FOSL2: variants seen among roughly 807,000 people sequenced by gnomAD.
FOSL2 encodes the protein fos-related antigen 2.
In FOSL2, 3 loss-of-function variants were observed where a neutral mutation model predicts 27.7. The ratio of observed to expected loss-of-function variants is 0.11; its 90% CI spans 0.05 to 0.28. The LOEUF (loss-of-function observed/expected upper bound fraction) is 0.28. Ranked by LOEUF, FOSL2 falls within the 10% of genes least tolerant of loss-of-function variation. The pLI, the probability that FOSL2 is intolerant of heterozygous loss-of-function variation, is 1.00. For missense variants in FOSL2, 333 were observed against 445.1 expected, an observed-to-expected ratio of 0.75 and a Z score of 2.27; for synonymous variants, 179 against 190.1, an observed-to-expected ratio of 0.94 and a Z score of 0.48.
Position 28,416,254 on chromosome 2 carries a change from A to T in FOSL2, c.*3806A>T, listed in dbSNP as rs879417886. 1 of 152,122 alleles carries T rather than the reference A, an allele frequency of 6.6e-6. No individual in the cohort carries two copies. Among genetic ancestry groups the T allele is most frequent in the Non-Finnish European group, 1.5e-5 (1 of 68,024 alleles). 9.4% of individuals were successfully genotyped at this position (152,122 alleles called of 1,614,324 possible). On this transcript the variant is annotated 3_prime_UTR_variant, in exon 4 of 4. Transcript: ENST00000264716. The stretch of plus-strand genomic sequence containing the variant: ...CTTCTAGTGTTTTGGCCATACATCA[A>T]CCAAGGGGTTTAATTTATCCAATGC...
rs1377311130 is a variant in FOSL2, at chr2:28,415,898, A to G, written c.*3450A>G. ...TTCTCAAGGACTTATCCCCTACAAT[A>G]TTCTCCCACTCCATACTTCTCCTTC... On this transcript the variant is annotated 3_prime_UTR_variant, in exon 4 of 4. Transcript: ENST00000264716. 1 of 151,988 alleles carries G rather than the reference A, an allele frequency of 6.6e-6. No individual in the cohort carries two copies. Among genetic ancestry groups the G allele is most frequent in the Non-Finnish European group, 1.5e-5 (1 of 68,012 alleles). The allele number at this position is 151,988 out of a possible 1,614,324, so 9.4% of individuals were successfully genotyped here.
rs1663709845 is a variant in FOSL2 at position 28,393,088 on chromosome 2, C to T, written c.-633C>T. On this transcript the variant is annotated 5_prime_UTR_variant, in exon 1 of 4. Coordinates refer to ENST00000264716, the MANE Select transcript of FOSL2 (RefSeq NM_005253.4). The surrounding 1 kb of genome is among the most constrained non-coding windows in gnomAD (Gnocchi z 4.6). Reference sequence around the variant, plus strand: ...CTCTCAGCGCCAGCTCTACTTGAGCCCCACGAGCCGCTGTCCCCCTGGCGC... The same window carrying T: ...CTCTCAGCGCCAGCTCTACTTGAGCTCCACGAGCCGCTGTCCCCCTGGCGC... The T allele has an allele frequency of 2.3e-6, 1 of 431,280 alleles. No homozygotes were observed. The highest frequency in any genetic ancestry group is 2.1e-5 in the African/African-American group (1 of 47,198). 26.7% of individuals were successfully genotyped at this position (431,280 alleles called of 1,614,324 possible).
At position 28,393,507 on chromosome 2, in the gene FOSL2, A is replaced by G. The variant is rs1663725792; in HGVS notation, c.-214A>G. The G allele has an allele frequency of 3.9e-6, 2 of 517,906 alleles. No individual in the cohort carries two copies. The highest frequency in any genetic ancestry group is 2.4e-5 in the South Asian group (1 of 42,254). 32.1% of individuals were successfully genotyped at this position (517,906 alleles called of 1,614,324 possible). On this transcript the variant is annotated 5_prime_UTR_variant, in exon 1 of 4. Coordinates refer to ENST00000264716, the MANE Select transcript of FOSL2 (RefSeq NM_005253.4). The surrounding 1 kb of genome is among the most constrained non-coding windows in gnomAD (Gnocchi z 4.6). ...TCCCGCGGCGCTCGCAGAGCCGGAA[A>G]GAAGTGCTGTAAGGGACGCTCGGGG...
chr2:28,392,968 G>GAGAGGC lies in FOSL2; in HGVS notation c.-752_-747dup. ...AGGGAGAGAGAGAGAGAGAGAGAGG[G>GAGAGGC]AGAGGCGCGGCCGGGCGAGGCGGGC... On this transcript the variant is annotated 5_prime_UTR_variant, in exon 1 of 4. Coordinates refer to ENST00000264716, the MANE Select transcript of FOSL2 (RefSeq NM_005253.4). 1.5e-6 allele frequency: 1 copy of GAGAGGC among 676,072 alleles called. No homozygotes were observed. The highest frequency in any genetic ancestry group is 1.6e-5 in the South Asian group (1 of 64,324). 41.9% of individuals were successfully genotyped at this position (676,072 alleles called of 1,614,324 possible).
In FOSL2 at chr2:28,412,765, A is replaced by G. The variant is rs570936507; in HGVS notation, c.*317A>G. ...GAAGAGCCTGAAGCTGGCCTGGACCATTCCTGTCCCTTTGTTACCATACTG... is the reference window on the plus strand; with the variant it reads ...GAAGAGCCTGAAGCTGGCCTGGACCGTTCCTGTCCCTTTGTTACCATACTG... On this transcript the variant is annotated 3_prime_UTR_variant, in exon 4 of 4. Transcript: ENST00000264716. This position sits in a 1 kb window ranked among gnomAD's most constrained non-coding sequence, Gnocchi z 7.1. 2 of 346,198 alleles carry G rather than the reference A, an allele frequency of 5.8e-6. No individual in the cohort carries two copies. The highest frequency in any genetic ancestry group is 1.1e-4 in the South Asian group (2 of 18,744). 21.4% of individuals were successfully genotyped at this position (346,198 alleles called of 1,614,324 possible).
Position 28,412,117 on chromosome 2 carries a change from G to A in FOSL2, c.650G>A (p.Gly217Asp). The A allele has an allele frequency of 6.2e-7, 1 of 1,605,432 alleles. No individual in the cohort carries two copies. Residue 217 changes from glycine (G) to aspartate (D), a missense_variant, in exon 4 of 4, where the codon GGC (glycine) becomes GAC (aspartate). Transcript: ENST00000264716. The surrounding 1 kb of genome is among the most constrained non-coding windows in gnomAD (Gnocchi z 7.1). The part of the protein sequence containing the change: ...QPMRSGGGSV[G>D]AVVVKQEPLE... The stretch of plus-strand genomic sequence containing the variant: ...ATGCGCAGTGGGGGTGGCTCGGTGG[G>A]CGCTGTAGTGGTGAAACAGGAGCCC...
rs1424064330 is a variant in FOSL2, at chr2:28,414,246, CCT to C, written c.*1799_*1800del. ...CTCGCATGTTATTTCATGAACATGA[CCT>C]GTTTTCGTGCACTAGACACACAGAG... On this transcript the variant is annotated 3_prime_UTR_variant, in exon 4 of 4. Transcript: ENST00000264716. The C allele has an allele frequency of 6.1e-6, 1 of 164,456 alleles. No individual in the cohort carries two copies. Among genetic ancestry groups the C allele is most frequent in the African/African-American group, 2.4e-5 (1 of 41,988 alleles). 10.2% of individuals were successfully genotyped at this position (164,456 alleles called of 1,614,324 possible).
intron 2 of FOSL2, among the ~76,000 whole-genome samples, chr2:28,406,018 A>G (rs1664068363): frequency 6.8e-6 from 1 of 146,630 alleles, no homozygotes; most frequent in Non-Finnish European, 1.5e-5. Context: ...ACAAAGCCTG[A>G]GGATGTGCTG....
At position 28,408,429 on chromosome 2, in the gene FOSL2, C is replaced by G. The variant is rs1172325485; in HGVS notation, c.355-330C>G. Among the ~76,000 whole-genome samples the G allele has an allele frequency of 1.3e-5, 2 of 152,192 alleles. No individual in the cohort carries two copies. The highest frequency in any genetic ancestry group is 2.9e-5 in the Non-Finnish European group (2 of 68,028). On this transcript the variant is annotated intron_variant, in intron 2 of 3. Coordinates refer to ENST00000264716, the MANE Select transcript of FOSL2 (RefSeq NM_005253.4). This position sits in a 1 kb window ranked among gnomAD's most constrained non-coding sequence, Gnocchi z 4.1. ...GCATCCCCAGCTCCTTCTCTCTGGC[C>G]TGAGCACTGAATCAGGGCTGATGTG...
intron 1 of FOSL2, among the ~76,000 whole-genome samples, chr2:28,399,984 G>T (rs1242591990): frequency 2.6e-5 from 4 of 152,180 alleles, no homozygotes; most frequent in Non-Finnish European, 5.9e-5. Flanking sequence ...GCTCTAGGAG[G>T]TGGATGGGGA....
chr2:28,407,341 C>T (rs1664104985), intron 2 of FOSL2, among the ~76,000 whole-genome samples: 2 of 152,214 alleles, frequency 1.3e-5, no homozygotes, highest in Non-Finnish European at 2.9e-5. Flanking sequence ...GGGCCTTGGC[C>T]AAATGGCCTC....
intron 3 of FOSL2, among the ~76,000 whole-genome samples, chr2:28,411,193 G>A (rs1204024503): frequency 6.6e-6 from 1 of 151,946 alleles, no homozygotes; most frequent in East Asian, 1.9e-4. Flanking sequence ...AAAGGGAGGA[G>A]GAGAGGCTGT....
chr2:28,412,594 G>A lies in FOSL2; in HGVS notation c.*146G>A. ...TTCCTGGCTCTGGGGGACCCAGGTGGGACTTAGCAGTGAGTATTGGAAGAC... is the reference window on the plus strand; with the variant it reads ...TTCCTGGCTCTGGGGGACCCAGGTGAGACTTAGCAGTGAGTATTGGAAGAC... On this transcript the variant is annotated 3_prime_UTR_variant, in exon 4 of 4. Transcript: ENST00000264716. The surrounding 1 kb of genome is among the most constrained non-coding windows in gnomAD (Gnocchi z 7.1). 2 of 842,870 alleles carry A rather than the reference G, an allele frequency of 2.4e-6. No homozygotes were observed. Among genetic ancestry groups the A allele is most frequent in the South Asian group, 1.8e-5 (1 of 56,328 alleles). The allele number at this position is 842,870 out of a possible 1,614,324, so 52.2% of individuals were successfully genotyped here.
In FOSL2 at chr2:28,415,026, T is replaced by TACAC. The variant is rs150516041; in HGVS notation, c.*2587_*2590dup. 1.3e-5 allele frequency: 2 copies of TACAC among 152,180 alleles called. No individual in the cohort carries two copies. Among genetic ancestry groups the TACAC allele is most frequent in the Admixed American group, 6.6e-5 (1 of 15,242 alleles). 9.4% of individuals were successfully genotyped at this position (152,180 alleles called of 1,614,324 possible). On this transcript the variant is annotated 3_prime_UTR_variant, in exon 4 of 4. Transcript: ENST00000264716. ...CTTGCCCTCCAAGTTCTCTCTCTCA[T>TACAC]ACACACACACACCCTTGCTCCAGAA... is the stretch of plus-strand genomic sequence containing the variant.
At chr2:28,411,700 G>A (rs2148099346) in intron 3 of FOSL2, among the ~76,000 whole-genome samples, 1 of 151,976 alleles carries the variant, frequency 6.6e-6, no homozygotes, top group East Asian at 1.9e-4. Context: ...GCTGGGTTAT[G>A]GCAGCTGCAG....
chr2:28,404,327 C>T lies in FOSL2; in HGVS notation c.323C>T (p.Thr108Ile), dbSNP rs1056247953. Residue 108 changes from threonine to isoleucine, a missense_variant, in exon 2 of 4, where the codon ACC becomes ATC. Coordinates refer to ENST00000264716, the MANE Select transcript of FOSL2 (RefSeq NM_005253.4). This position sits in a 1 kb window ranked among gnomAD's most constrained non-coding sequence, Gnocchi z 4.7. ...CCTGGCGTGATCAAGACCATTGGCA[C>T]CACCGTGGGCCGCAGGAGGAGAGAT... ...PRPGVIKTIG[T>I]TVGRRRRDEQ... is the part of the protein sequence containing the mutation. The T allele has an allele frequency of 1.2e-6, 2 of 1,614,024 alleles. No individual in the cohort carries two copies. Among genetic ancestry groups the T allele is most frequent in the African/African-American group, 1.3e-5 (1 of 74,922 alleles).
intron 1 of FOSL2, among the ~76,000 whole-genome samples, chr2:28,398,741 G>A (rs1663912868): frequency 1.3e-5 from 2 of 152,238 alleles, no homozygotes; most frequent in Admixed American, 6.5e-5. Flanking sequence ...AAACTGTAAC[G>A]CTTTGGGAAA....
At position 28,397,463 on chromosome 2, in the gene FOSL2, TTGTC is replaced by T. The variant is rs1422331489; in HGVS notation, c.102+3645_102+3648del. ...TCAAACAAAATGTTATCCCAAGAAT[TTGTC>T]TGTTCCGCTGATTCTTGATGGTGGA... is the stretch of plus-strand genomic sequence containing the variant. On this transcript the variant is annotated intron_variant, in intron 1 of 3. Coordinates refer to ENST00000264716, the MANE Select transcript of FOSL2 (RefSeq NM_005253.4). 2.0e-5 allele frequency among the ~76,000 whole-genome samples: 3 copies of T among 152,158 alleles called. No homozygotes were observed. In the East Asian group the frequency reaches 5.8e-4, roughly 29 times the overall value.
Position 28,416,993 on chromosome 2 carries a change from T to C in FOSL2, c.*4545T>C, listed in dbSNP as rs1664324124. 2 of 150,712 alleles carry C rather than the reference T, an allele frequency of 1.3e-5. No homozygotes were observed. The highest frequency in any genetic ancestry group is 4.2e-4 in the South Asian group (2 of 4,726). The allele number at this position is 150,712 out of a possible 1,614,324, so 9.3% of individuals were successfully genotyped here. A position where few individuals can be genotyped will look rare whatever the true frequency, so the allele number is the denominator to read the frequency against. On this transcript the variant is annotated 3_prime_UTR_variant, in exon 4 of 4. Transcript: ENST00000264716. ...TTTAAGTAATGGTGAAATGGTCCCA[T>C]TGGAGAGTCTCCTAAATAGACCTTC...
Sources: allele counts gnomAD v4.1 joint callset (sites outside exome capture counted in the v4.1 genomes callset), GRCh38; gene constraint gnomAD v4.1.1; non-coding constraint Gnocchi (gnomAD v3.1); transcripts MANE v1.5; gene names NCBI Gene and HGNC (gene_info 2026-07-23, HGNC 2026-07-21).